KLHL1: variants seen among roughly 807,000 people sequenced by gnomAD.
KLHL1 encodes kelch like family member 1.
Under a neutral mutation model 77.7 loss-of-function variants are expected in KLHL1, and 47 were observed. The ratio of observed to expected loss-of-function variants is 0.60; its 90% confidence interval spans 0.48 to 0.77. KLHL1 has a LOEUF of 0.77. Ranked by LOEUF, KLHL1 falls within the 30% of genes least tolerant of loss-of-function variation. KLHL1 has a pLI of 0.00. For missense variants in KLHL1, 925 were observed against 910.8 expected, an observed-to-expected ratio of 1.02 and a Z score of -0.20; for synonymous variants, 360 against 325.2, an observed-to-expected ratio of 1.11 and a Z score of -1.15.
chr13:69,965,280 T>C (rs1172423383), intron 2 of KLHL1, among the ~76,000 whole-genome samples: 2 of 152,212 alleles, frequency 1.3e-5, no homozygotes, highest in East Asian at 3.8e-4. Context: ...ACTTCATGTA[T>C]CTTGGTCACA....
At chr13:70,042,914 G>T (rs1203151288) in intron 1 of KLHL1, among the ~76,000 whole-genome samples, 1 of 152,076 alleles carries the variant, frequency 6.6e-6, no homozygotes, top group Non-Finnish European at 1.5e-5. Flanking sequence ...TTGCCCTTGT[G>T]TATATATATG....
chr13:69,702,159 A>G (rs1875424443), intron 10 of KLHL1, among the ~76,000 whole-genome samples: 1 of 151,720 alleles, frequency 6.6e-6, no homozygotes, highest in Admixed American at 6.6e-5. Context: ...ATGATTTTGA[A>G]GTTATTTCCC....
chr13:69,782,141 T>C (rs1876249264), intron 7 of KLHL1, among the ~76,000 whole-genome samples: 2 of 152,178 alleles, frequency 1.3e-5, no homozygotes. Flanking sequence ...TCTTGGAAGA[T>C]GAATTATGTC....
chr13:70,092,067 AT>A (rs1887683435), intron 1 of KLHL1, among the ~76,000 whole-genome samples: 1 of 152,142 alleles, frequency 6.6e-6, no homozygotes, highest in Admixed American at 6.6e-5. Flanking sequence ...AAGGAAATGA[AT>A]TTTGTCAATA....
At chr13:70,013,631 T>A (rs910874260) in intron 1 of KLHL1, among the ~76,000 whole-genome samples, 1 of 152,140 alleles carries the variant, frequency 6.6e-6, no homozygotes, top group African/African-American at 2.4e-5. Context: ...AAATGAATTA[T>A]GTTTCCTTAG....
At chr13:69,981,624 T>A (rs1884713324) in intron 1 of KLHL1, among the ~76,000 whole-genome samples, 1 of 152,056 alleles carries the variant, frequency 6.6e-6, no homozygotes, top group South Asian at 2.1e-4. Context: ...GCATTAGAGT[T>A]ATATGTATTT....
At chr13:69,839,488 A>G (rs565199957) in intron 5 of KLHL1, among the ~76,000 whole-genome samples, 33 of 152,070 alleles carry the variant, frequency 2.2e-4, no homozygotes, top group African/African-American at 7.7e-4. Flanking sequence ...TGTGTTGGCC[A>G]TAAACATGTC....
chr13:69,860,427 A>G (rs1409081281), intron 5 of KLHL1, among the ~76,000 whole-genome samples: 1 of 151,976 alleles, frequency 6.6e-6, no homozygotes. Flanking sequence ...TTAAAAAACG[A>G]GCAAATTTGT....
intron 1 of KLHL1, among the ~76,000 whole-genome samples, chr13:70,044,236 A>C (rs569967178): frequency 1.3e-5 from 2 of 152,206 alleles, no homozygotes; most frequent in East Asian, 3.9e-4. Context: ...ACGTACATGC[A>C]CTTCACTTGC....
Position 70,030,403 on chromosome 13 carries a change from A to G in KLHL1, c.498-54601T>C, listed in dbSNP as rs547850690. 6.6e-3 allele frequency among the ~76,000 whole-genome samples: 1,005 copies of G among 152,252 alleles called. 7 individuals carry two copies. The highest frequency in any genetic ancestry group is 0.011 in the Non-Finnish European group (729 of 67,962). ...ATTATAACAAACTGTCTCTCAGACC[A>G]CAGTGCAATCAAACTAGAACTCAGG... On this transcript the variant is annotated intron_variant, in intron 1 of 10. Coordinates refer to ENST00000377844, the MANE Select transcript of KLHL1 (RefSeq NM_020866.3).
intron 4 of KLHL1, among the ~76,000 whole-genome samples, chr13:69,884,558 A>G (rs1336968209): frequency 6.6e-6 from 1 of 152,128 alleles, no homozygotes; most frequent in African/African-American, 2.4e-5. Context: ...CTCTATAGCT[A>G]GGCCATCAAA....
intron 5 of KLHL1, among the ~76,000 whole-genome samples, chr13:69,841,841 A>G (rs1046814973): frequency 6.6e-6 from 1 of 151,872 alleles, no homozygotes; most frequent in Non-Finnish European, 1.5e-5. Context: ...AAAGATAGAT[A>G]TATAGGCCAA....
chr13:69,924,506 A>G (rs758798466), intron 4 of KLHL1, among the ~76,000 whole-genome samples: 2 of 152,124 alleles, frequency 1.3e-5, no homozygotes, highest in Non-Finnish European at 2.9e-5. Flanking sequence ...GGGACACCCT[A>G]GCTGCAGAGT....
intron 4 of KLHL1, among the ~76,000 whole-genome samples, chr13:69,914,243 C>A (rs866892816): frequency 1.3e-5 from 2 of 152,100 alleles, no homozygotes; most frequent in African/African-American, 2.4e-5. Context: ...CTCTAGAGAA[C>A]CTTGACTGAG....
chr13:70,031,681 A>T (rs561386147), intron 1 of KLHL1, among the ~76,000 whole-genome samples: 2 of 152,292 alleles, frequency 1.3e-5, no homozygotes, highest in South Asian at 2.1e-4. Context: ...CAGTGGCCAT[A>T]AACCTAATTA....
intron 1 of KLHL1, among the ~76,000 whole-genome samples, chr13:70,024,480 C>T (rs1162538739): frequency 6.6e-6 from 1 of 151,810 alleles, no homozygotes; most frequent in African/African-American, 2.4e-5. Flanking sequence ...AGAAGTCCCC[C>T]TTGCTCTGCT....
intron 4 of KLHL1, among the ~76,000 whole-genome samples, chr13:69,917,416 T>C (rs935500104): frequency 3.0e-4 from 46 of 152,082 alleles, no homozygotes; most frequent in Non-Finnish European, 5.4e-4. Context: ...GTCTACTTTT[T>C]AAACTGCCTA....
At chr13:69,990,331 G>A (rs924967520) in intron 1 of KLHL1, among the ~76,000 whole-genome samples, 5 of 151,944 alleles carry the variant, frequency 3.3e-5, no homozygotes, top group Non-Finnish European at 7.4e-5. Context: ...TACTACCCCT[G>A]AATGTAAATG....
At chr13:69,864,952 C>T (rs61965686) in intron 5 of KLHL1, among the ~76,000 whole-genome samples, 48,321 of 151,938 alleles carry the variant, frequency 0.32, 8,192 homozygotes, top group African/African-American at 0.45. Context: ...TGTTTTATTT[C>T]GTTTTGTTTT....
Sources: gnomAD v4.1 joint callset for allele counts (sites outside exome capture counted in the v4.1 genomes callset) on GRCh38, gnomAD v4.1.1 for gene constraint, MANE v1.5 for transcripts, NCBI Gene and HGNC (gene_info 2026-07-23, HGNC 2026-07-21) for gene names.